The following EMB variants were observed in gnomAD, a reference collection of about 807,000 sequenced individuals.
EMB encodes the protein embigin homolog.
A neutral mutation model predicts 41.4 loss-of-function variants in EMB; 31 were observed. That is an observed-to-expected ratio of 0.75 (90% confidence interval 0.56 to 1.01). The LOEUF (loss-of-function observed/expected upper bound fraction) is 1.01. Ranked by LOEUF, EMB falls within the 50% of genes least tolerant of loss-of-function variation. EMB has a pLI of 0.00. For missense variants in EMB, 379 were observed against 388.3 expected, an observed-to-expected ratio of 0.98 and a Z score of 0.20; for synonymous variants, 137 against 140.4, an observed-to-expected ratio of 0.98 and a Z score of 0.17.
chr5:50,423,416 T>C (rs1446544599), intron 2 of EMB, among the ~76,000 whole-genome samples: 2 of 152,200 alleles, frequency 1.3e-5, no homozygotes, highest in Admixed American at 1.3e-4. Flanking sequence ...TTTGGATATT[T>C]TTTGAACCTG....
At position 50,426,745 on chromosome 5, in the gene EMB, A is replaced by T. The variant is rs546392301; in HGVS notation, c.196+1399T>A. 2.6e-5 allele frequency among the ~76,000 whole-genome samples: 4 copies of T among 152,310 alleles called. No homozygotes were observed. The East Asian group carries it at 7.7e-4, about 29-fold the overall frequency. ...TATTGATACATATCAATGTTATGAAAATATGAAAACACTCCATTTACAAAT... is the reference window on the plus strand; with the variant it reads ...TATTGATACATATCAATGTTATGAATATATGAAAACACTCCATTTACAAAT... On this transcript the variant is annotated intron_variant, in intron 2 of 8. Coordinates refer to ENST00000303221, the MANE Select transcript of EMB (RefSeq NM_198449.3).
Position 50,403,363 on chromosome 5 carries a change from T to C in EMB, c.692A>G (p.Asp231Gly), listed in dbSNP as rs1383937769. ...TGCACGGCACCAGTAAGATTCCCCA[T>C]CTTCCTCCAAAAGTTGTGTTATCTT... ...KLKITQLLEE[D>G]GESYWCRALF... The change falls in exon 6 of 9, where the codon GAT (aspartate) becomes GGT (glycine). Residue 231 changes from aspartate to glycine, a missense_variant. Coordinates refer to ENST00000303221, the MANE Select transcript of EMB (RefSeq NM_198449.3). 1.9e-6 allele frequency: 3 copies of C among 1,612,684 alleles called. No individual in the cohort carries two copies. Among genetic ancestry groups the C allele is most frequent in the East Asian group, 4.5e-5 (2 of 44,826 alleles).
intron 1 of EMB, among the ~76,000 whole-genome samples, chr5:50,435,247 T>C (rs1011183705): frequency 6.6e-6 from 1 of 152,124 alleles, no homozygotes. Flanking sequence ...CACTAAAACA[T>C]TACCGTCTAT....
chr5:50,400,430 TG>T (rs1466676359), intron 7 of EMB, among the ~76,000 whole-genome samples: 1 of 151,940 alleles, frequency 6.6e-6, no homozygotes, highest in Non-Finnish European at 1.5e-5. Flanking sequence ...TTCAAGGTCT[TG>T]GGGGCAGGCG....
At chr5:50,408,020 A>G (rs1745275838) in intron 4 of EMB, among the ~76,000 whole-genome samples, 1 of 152,046 alleles carries the variant, frequency 6.6e-6, no homozygotes, top group African/African-American at 2.4e-5. Flanking sequence ...TCCATGTAGT[A>G]AAAGAATGCT....
At chr5:50,424,655 G>A (rs1264686792) in intron 2 of EMB, among the ~76,000 whole-genome samples, 1 of 152,136 alleles carries the variant, frequency 6.6e-6, no homozygotes, top group Non-Finnish European at 1.5e-5. Flanking sequence ...ATAGAACAGT[G>A]GGGATAATTT....
intron 1 of EMB, among the ~76,000 whole-genome samples, chr5:50,431,620 A>G (rs967173554): frequency 1.2e-4 from 18 of 152,020 alleles, no homozygotes; most frequent in Non-Finnish European, 7.4e-5. Context: ...TCTGATAGGG[A>G]AAAAAAATGA....
chr5:50,442,403 A>C (rs1371041492), upstream of EMB, among the ~76,000 whole-genome samples: 2 of 152,180 alleles, frequency 1.3e-5, no homozygotes, highest in Admixed American at 1.3e-4. Context: ...CAGTGAGATA[A>C]TATGAATAAT....
At chr5:50,435,168 C>A (rs1452436832) in intron 1 of EMB, among the ~76,000 whole-genome samples, 2 of 152,142 alleles carry the variant, frequency 1.3e-5, no homozygotes, top group South Asian at 4.1e-4. Flanking sequence ...GTAGCAGAAA[C>A]ATTTCAAGAA....
At chr5:50,422,905 A>G (rs1745548229) in intron 2 of EMB, among the ~76,000 whole-genome samples, 1 of 152,184 alleles carries the variant, frequency 6.6e-6, no homozygotes, top group Non-Finnish European at 1.5e-5. Flanking sequence ...TAAAATAAAG[A>G]TGTGCATAAT....
chr5:50,424,668 A>T (rs1450178823), intron 2 of EMB, among the ~76,000 whole-genome samples: 1 of 152,206 alleles, frequency 6.6e-6, no homozygotes, highest in Non-Finnish European at 1.5e-5. Flanking sequence ...GATAATTTTC[A>T]AATGGGGAAA....
chr5:50,406,107 T>C (rs746873009), intron 4 of EMB, among the ~76,000 whole-genome samples: 8 of 151,896 alleles, frequency 5.3e-5, no homozygotes, highest in Non-Finnish European at 1.2e-4. Flanking sequence ...ACAAAAGTAT[T>C]GTTCCTTTTT....
chr5:50,426,469 C>A (rs1476794209), intron 2 of EMB, among the ~76,000 whole-genome samples: 2 of 152,138 alleles, frequency 1.3e-5, no homozygotes, highest in Non-Finnish European at 2.9e-5. Flanking sequence ...TTCTCCCAGG[C>A]ACAAGAATCC....
chr5:50,421,883 C>T (rs977815770), intron 2 of EMB, among the ~76,000 whole-genome samples: 17 of 114,506 alleles, frequency 1.5e-4, no homozygotes, highest in Admixed American at 1.3e-3. Context: ...CATCACACAC[C>T]GGGGCCCGTT....
intron 4 of EMB, among the ~76,000 whole-genome samples, chr5:50,408,548 T>G (rs1359922615): frequency 6.6e-6 from 1 of 152,064 alleles, no homozygotes; most frequent in Non-Finnish European, 1.5e-5. Context: ...AGCAGGGACT[T>G]TGCTGATGAA....
chr5:50,407,227 A>G (rs1223904335), intron 4 of EMB, among the ~76,000 whole-genome samples: 1 of 151,972 alleles, frequency 6.6e-6, no homozygotes, highest in African/African-American at 2.4e-5. Context: ...ACCAAAATTT[A>G]CCCACAGGCT....
At chr5:50,443,301 G>A (rs1745946035), upstream of EMB, 1 of 152,316 alleles carries the variant, frequency 6.6e-6, no homozygotes, top group African/African-American at 2.4e-5. Flanking sequence ...GCTCACTGCA[G>A]CCTTGACCTT....
intron 4 of EMB, among the ~76,000 whole-genome samples, chr5:50,409,661 G>T (rs532640238): frequency 6.0e-4 from 91 of 151,692 alleles, no homozygotes; most frequent in Middle Eastern, 3.4e-3. Flanking sequence ...AAAGGGAAAG[G>T]AAAAGAGAGA....
intron 1 of EMB, among the ~76,000 whole-genome samples, chr5:50,435,282 C>T (rs1434213166): frequency 1.3e-5 from 2 of 152,162 alleles, no homozygotes; most frequent in Non-Finnish European, 2.9e-5. Context: ...ATTCCCCATA[C>T]CATCACAATA....
Sources: gnomAD v4.1 joint callset for allele counts (sites outside exome capture counted in the v4.1 genomes callset) on GRCh38, gnomAD v4.1.1 for gene constraint, MANE v1.5 for transcripts, NCBI Gene and HGNC (gene_info 2026-07-23, HGNC 2026-07-21) for gene names.